Variants in TRIO observed in about 807,000 individuals in gnomAD.
TRIO encodes trio Rho guanine nucleotide exchange factor, also known as triple functional domain protein.
A neutral mutation model predicts 351.9 loss-of-function variants in TRIO; 58 were observed. That is an observed-to-expected ratio of 0.16 (90% CI 0.13 to 0.21). The LOEUF (loss-of-function observed/expected upper bound fraction) is 0.21. Among genes scored for constraint, TRIO ranks in the 10% least tolerant of loss-of-function variants. The pLI is 1.00. For synonymous variants in TRIO, 1,758 were observed against 1,595.7 expected (o/e 1.10, Z -2.42); for missense variants, 3,201 against 4,027.8 (o/e 0.79, Z 5.56).
intron 10 of TRIO, among the ~76,000 whole-genome samples, chr5:14,331,402 A>G (rs1242999898): frequency 6.6e-6 from 1 of 152,188 alleles, no homozygotes; most frequent in African/African-American, 2.4e-5. Context: ...TGATCTGAAA[A>G]ATAAGCCCAG....
intron 1 of TRIO, among the ~76,000 whole-genome samples, chr5:14,169,783 G>A (rs1043670686): frequency 6.6e-6 from 1 of 152,202 alleles, no homozygotes; most frequent in Admixed American, 6.5e-5. Context: ...AAAGTGATAA[G>A]CACTTAATGG....
intron 4 of TRIO, among the ~76,000 whole-genome samples, chr5:14,289,654 C>T (rs1043541787): frequency 6.6e-5 from 10 of 151,754 alleles, no homozygotes; most frequent in East Asian, 1.9e-4. Flanking sequence ...TTGAAACCAG[C>T]GTGACCAACA....
At chr5:14,338,016 T>A (rs1368929041) in intron 11 of TRIO, among the ~76,000 whole-genome samples, 1 of 152,196 alleles carries the variant, frequency 6.6e-6, no homozygotes, top group Non-Finnish European at 1.5e-5. Flanking sequence ...TGAAAATTCT[T>A]AACAAAAGAG....
At chr5:14,371,230 C>T (rs555284802) in intron 18 of TRIO, among the ~76,000 whole-genome samples, 8 of 152,258 alleles carry the variant, frequency 5.3e-5, no homozygotes, top group South Asian at 2.1e-4. Context: ...TTTTGACTTA[C>T]GATTTTTTTG....
chr5:14,202,773 C>G (rs539815885), intron 1 of TRIO, among the ~76,000 whole-genome samples: 61 of 150,096 alleles, frequency 4.1e-4, no homozygotes, highest in South Asian at 8.7e-4. Context: ...CTCACTCTTC[C>G]GGCAGTGAGA....
At chr5:14,350,995 A>G (rs1743033855) in intron 11 of TRIO, among the ~76,000 whole-genome samples, 1 of 152,126 alleles carries the variant, frequency 6.6e-6, no homozygotes, top group Non-Finnish European at 1.5e-5. Context: ...AGTAGGGTTC[A>G]CAGTCCTGTG....
At chr5:14,416,979 G>A (rs1749700959) in intron 33 of TRIO, among the ~76,000 whole-genome samples, 1 of 152,184 alleles carries the variant, frequency 6.6e-6, no homozygotes, top group Admixed American at 6.5e-5. Context: ...AGACCCAGAG[G>A]CCTGGGAAGG....
At chr5:14,252,271 G>A (rs1320683282) in intron 1 of TRIO, among the ~76,000 whole-genome samples, 7 of 152,022 alleles carry the variant, frequency 4.6e-5, no homozygotes, top group Non-Finnish European at 1.0e-4. Flanking sequence ...ATTCTACATC[G>A]ATTCCTTGCT....
chr5:14,384,666 C>G (rs865900456), intron 21 of TRIO, among the ~76,000 whole-genome samples: 2 of 151,350 alleles, frequency 1.3e-5, no homozygotes, highest in African/African-American at 2.4e-5. Flanking sequence ...AGCAGTGGTA[C>G]CTAATAGTAC....
chr5:14,455,652 T>C (rs1324775795), intron 34 of TRIO, among the ~76,000 whole-genome samples: 1 of 152,150 alleles, frequency 6.6e-6, no homozygotes, highest in Non-Finnish European at 1.5e-5. Context: ...TTTACAATCC[T>C]TTAACTAAAC....
rs1270642390 is a variant in TRIO, at chr5:14,451,493, A to G, written c.5204-9526A>G. Reference sequence around the variant, plus strand: ...TTTGATTATTCTTTTTAAGTAATTTATAGATCTGATTTTCACATTTGCCTT... The same window carrying G: ...TTTGATTATTCTTTTTAAGTAATTTGTAGATCTGATTTTCACATTTGCCTT... On this transcript the variant is annotated intron_variant, in intron 34 of 56. Transcript: ENST00000344204. 3.9e-5 allele frequency among the ~76,000 whole-genome samples: 6 copies of G among 152,392 alleles called. No individual in the cohort carries two copies. In the Middle Eastern group the frequency reaches 0.01, roughly 259 times the overall value.
At chr5:14,148,032 A>G (rs1021665036) in intron 1 of TRIO, among the ~76,000 whole-genome samples, 6 of 152,248 alleles carry the variant, frequency 3.9e-5, no homozygotes, top group African/African-American at 1.2e-4. Context: ...AAAGAAGTGC[A>G]GTAAAGTCAT....
intron 11 of TRIO, among the ~76,000 whole-genome samples, chr5:14,344,297 G>A (rs138179338): frequency 1.0e-3 from 158 of 152,272 alleles, no homozygotes; most frequent in African/African-American, 3.2e-3. Context: ...GGTATCTAGC[G>A]TGGCATACTG....
At chr5:14,207,424 ACACACACG>A (rs1791585330) in intron 1 of TRIO, among the ~76,000 whole-genome samples, 1 of 87,236 alleles carries the variant, frequency 1.1e-5, no homozygotes, top group African/African-American at 3.8e-5. Context: ...ACACACACAC[ACACACACG>A]CAGCCAGGTA....
At chr5:14,304,665 A>C in intron 8 of TRIO, 73 bp downstream of exon 8, 1 of 1,532,436 alleles carries the variant, frequency 6.5e-7, no homozygotes, top group Non-Finnish European at 8.8e-7. Context: ...AGCTAGAAAA[A>C]AAAAAGTTTT....
At chr5:14,405,825 A>G (rs761941307) in intron 31 of TRIO, 23 bp from the exon 32 acceptor site, 5 of 1,608,648 alleles carry the variant, frequency 3.1e-6, no homozygotes, top group Non-Finnish European at 4.3e-6. Context: ...CCGTATCCTA[A>G]GCAACGCTAA....
chr5:14,266,890 G>A (rs564787952), intron 1 of TRIO, among the ~76,000 whole-genome samples: 2 of 152,208 alleles, frequency 1.3e-5, no homozygotes, highest in African/African-American at 4.8e-5. Flanking sequence ...TGCCTTTAAG[G>A]ACTCCCCTGG....
At chr5:14,421,654 G>T (rs114934128) in intron 34 of TRIO, among the ~76,000 whole-genome samples, 1 of 151,578 alleles carries the variant, frequency 6.6e-6, no homozygotes, top group Admixed American at 6.6e-5. Context: ...TAGGAGCTGC[G>T]CAGCAACAGA....
Position 14,280,387 on chromosome 5 carries a change from C to T in TRIO, c.298C>T (p.Arg100Ter). 1 of 1,614,074 alleles carries T rather than the reference C, an allele frequency of 6.2e-7. No individual in the cohort carries two copies. Among genetic ancestry groups the T allele is most frequent in the Non-Finnish European group, 8.5e-7 (1 of 1,180,006 alleles). Residue 100 changes from arginine to a stop codon, truncating the protein, a stop_gained, in exon 3 of 57, where the codon CGA (arginine) becomes TGA (stop). Coordinates refer to ENST00000344204, the MANE Select transcript of TRIO (RefSeq NM_007118.4). LOFTEE classifies it high-confidence loss of function. ...FPARSNHDRI[R>*]QEDLRRLISY... is the part of the protein sequence containing the mutation. ...GGCCCGCAGCAATCATGACAGAATACGACAGGAGGATCTCAGGAGACTCAT... is the reference window on the plus strand; with the variant it reads ...GGCCCGCAGCAATCATGACAGAATATGACAGGAGGATCTCAGGAGACTCAT...
Sources: gnomAD v4.1 joint callset for allele counts (sites outside exome capture counted in the v4.1 genomes callset) on GRCh38, gnomAD v4.1.1 for gene constraint, MANE v1.5 for transcripts, NCBI Gene and HGNC (gene_info 2026-07-23, HGNC 2026-07-21) for gene names.